NAPB: variants seen among roughly 807,000 people sequenced by gnomAD.
NAPB encodes the protein beta-soluble NSF attachment protein.
A neutral mutation model predicts 44.7 loss-of-function variants in NAPB; 26 were observed. That is an observed-to-expected ratio of 0.58 (90% CI 0.43 to 0.81). The LOEUF (loss-of-function observed/expected upper bound fraction) is 0.81, where lower values mean the gene tolerates loss of function less well. NAPB is among the 30% of genes least tolerant of loss of function. The pLI, the probability that NAPB is intolerant of heterozygous loss-of-function variation, is 0.00. For synonymous variants in NAPB, 120 were observed against 116.8 expected, an observed-to-expected ratio of 1.03 and a Z score of -0.18; for missense variants, 315 against 356.4, an observed-to-expected ratio of 0.88 and a Z score of 0.94.
chr20:23,388,680 A>C (rs2424529), intron 7 of NAPB, among the ~76,000 whole-genome samples: 1 of 151,938 alleles, frequency 6.6e-6, no homozygotes, highest in Non-Finnish European at 1.5e-5. Flanking sequence ...TTCAACAATT[A>C]GTGCTAGAAA....
rs375867980 is a variant in NAPB, at chr20:23,397,035, A to G, written c.295+37T>C. The G allele has an allele frequency of 6.3e-6, 10 of 1,594,842 alleles. No homozygotes were observed. The African/African-American group carries it at 1.3e-4, about 21-fold the overall frequency. ...AGGGAAGTACTGACTGGTTAGTTAC[A>G]CACAGAGATAGCATGCTACATGCCT... On this transcript the variant is annotated intron_variant, in intron 3 of 10. Coordinates refer to ENST00000377026, the MANE Select transcript of NAPB (RefSeq NM_022080.3).
At chr20:23,382,432 T>G (rs1179613529) in intron 7 of NAPB, among the ~76,000 whole-genome samples, 1 of 152,076 alleles carries the variant, frequency 6.6e-6, no homozygotes, top group East Asian at 1.9e-4. Flanking sequence ...CACAGGAAGA[T>G]CTCAAGCTAA....
intron 1 of NAPB, among the ~76,000 whole-genome samples, chr20:23,417,859 G>A (rs1290534842): frequency 1.3e-5 from 2 of 152,038 alleles, no homozygotes; most frequent in Non-Finnish European, 2.9e-5. Context: ...AGATAAGGCA[G>A]AGGATTTGTG....
intron 1 of NAPB, among the ~76,000 whole-genome samples, chr20:23,410,406 A>G (rs1985571203): frequency 6.6e-6 from 1 of 152,248 alleles, no homozygotes; most frequent in South Asian, 2.1e-4. Flanking sequence ...AAGCTACTAC[A>G]TAAGAAAGAA....
chr20:23,395,099 G>C, intron 4 of NAPB, 40 bp downstream of exon 4: 5 of 1,613,784 alleles, frequency 3.1e-6, no homozygotes, highest in Non-Finnish European at 3.4e-6. Flanking sequence ...GCCATCTCAA[G>C]ACTCCACCCC....
At chr20:23,391,389 T>C (rs900943728) in intron 5 of NAPB, among the ~76,000 whole-genome samples, 7 of 152,150 alleles carry the variant, frequency 4.6e-5, no homozygotes, top group African/African-American at 1.7e-4. Flanking sequence ...AGTCAGATGA[T>C]AGTGTGTGCT....
At chr20:23,409,572 T>C (rs1465042803) in intron 1 of NAPB, among the ~76,000 whole-genome samples, 1 of 152,218 alleles carries the variant, frequency 6.6e-6, no homozygotes, top group Non-Finnish European at 1.5e-5. Context: ...GACTGTTACA[T>C]ACAACCTGAT....
intron 1 of NAPB, among the ~76,000 whole-genome samples, chr20:23,403,429 C>A (rs1383642869): frequency 6.6e-6 from 1 of 152,098 alleles, no homozygotes; most frequent in Non-Finnish European, 1.5e-5. Context: ...ATGGTGAAAC[C>A]CCATCCCTAC....
chr20:23,378,407 A>G (rs1429901737), intron 10 of NAPB, among the ~76,000 whole-genome samples: 1 of 149,748 alleles, frequency 6.7e-6, no homozygotes, highest in Non-Finnish European at 1.5e-5. Flanking sequence ...AAAGAAAAAA[A>G]CCCTCATATT....
intron 3 of NAPB, 65 bp from the exon 4 acceptor site, chr20:23,395,250 G>T: frequency 7.1e-6 from 11 of 1,556,430 alleles, no homozygotes; most frequent in Non-Finnish European, 9.7e-6. Context: ...TTCAGGTGAG[G>T]CTGTCTTCCT....
rs564762441 is a variant in NAPB, at chr20:23,412,374, A to T, written c.98+8931T>A. Reference sequence around the variant, plus strand: ...AGTCCTAAGGAATGCAAACACAAGCAGTAAGAAAACAGAGATTGCTACCCT... The same window carrying T: ...AGTCCTAAGGAATGCAAACACAAGCTGTAAGAAAACAGAGATTGCTACCCT... On this transcript the variant is annotated intron_variant, in intron 1 of 10. Transcript: ENST00000377026. 6.6e-5 allele frequency among the ~76,000 whole-genome samples: 10 copies of T among 152,322 alleles called. No homozygotes were observed. In the South Asian group the frequency reaches 2.1e-3, roughly 32 times the overall value.
intron 1 of NAPB, among the ~76,000 whole-genome samples, chr20:23,403,742 T>C (rs1006278106): frequency 6.6e-6 from 1 of 152,098 alleles, no homozygotes; most frequent in Admixed American, 6.5e-5. Flanking sequence ...TCAGTCTGAG[T>C]AGTTAAAAGT....
intron 5 of NAPB, among the ~76,000 whole-genome samples, chr20:23,391,150 A>G (rs998239226): frequency 6.6e-6 from 1 of 152,172 alleles, no homozygotes; most frequent in African/African-American, 2.4e-5. Context: ...TCTCTACTAA[A>G]AAGATACAAA....
chr20:23,375,784 C>G lies in NAPB; in HGVS notation c.*1592G>C, dbSNP rs911079461. On this transcript the variant is annotated 3_prime_UTR_variant, in exon 11 of 11. Transcript: ENST00000377026. ...AGATGCTCTGACATCACAGAGCTTC[C>G]TGCTCTACCAGCCCACCTCATGCAT... is the stretch of plus-strand genomic sequence containing the variant. The G allele has an allele frequency of 2.6e-5, 4 of 152,346 alleles. No individual in the cohort carries two copies. The highest frequency in any genetic ancestry group is 6.5e-5 in the Admixed American group (1 of 15,284). The allele number at this position is 152,346 out of a possible 1,614,324, so 9.4% of individuals were successfully genotyped here. A position where few individuals can be genotyped will look rare whatever the true frequency, so the allele number is the denominator to read the frequency against.
chr20:23,390,314 T>C, intron 5 of NAPB, 50 bp from the exon 6 acceptor site: 1 of 1,468,160 alleles, frequency 6.8e-7, no homozygotes, highest in South Asian at 1.2e-5. Context: ...GAGAGCTGCA[T>C]TTTAAAACTA....
rs1986180285 is a variant in NAPB, at chr20:23,418,797, A to C, written c.98+2508T>G. On this transcript the variant is annotated intron_variant, in intron 1 of 10. Coordinates refer to ENST00000377026, the MANE Select transcript of NAPB (RefSeq NM_022080.3). Reference sequence around the variant, plus strand: ...CTAAAAATACAAAAAAAAAAAAAAAATTAGCCGGGCGTGGTGGCGGGTGGC... The same window carrying C: ...CTAAAAATACAAAAAAAAAAAAAAACTTAGCCGGGCGTGGTGGCGGGTGGC... 2.0e-5 allele frequency among the ~76,000 whole-genome samples: 3 copies of C among 151,134 alleles called. No homozygotes were observed. The South Asian group carries it at 6.3e-4, about 32-fold the overall frequency.
At chr20:23,407,932 A>C (rs139373398) in intron 1 of NAPB, among the ~76,000 whole-genome samples, 2 of 152,348 alleles carry the variant, frequency 1.3e-5, no homozygotes, top group Non-Finnish European at 2.9e-5. Flanking sequence ...AGTCCGTACT[A>C]TTTTAAAACT....
rs200918812 is a variant in NAPB at position 23,385,108 on chromosome 20, G to C, written c.562-3791C>G. Among the ~76,000 whole-genome samples the C allele has an allele frequency of 5.4e-5, 8 of 149,152 alleles. No individual in the cohort carries two copies. The East Asian group carries it at 1.6e-3, about 30-fold the overall frequency. ...CGCTCCAGTGTAGGAGACAGAGCAA[G>C]ACTCTGTCTCAAAACAAACAAACAA... is the stretch of plus-strand genomic sequence containing the variant. On this transcript the variant is annotated intron_variant, in intron 7 of 10. Coordinates refer to ENST00000377026, the MANE Select transcript of NAPB (RefSeq NM_022080.3).
chr20:23,395,228 A>G (rs777640336), intron 3 of NAPB, 43 bp from the exon 4 acceptor site: 7 of 1,606,730 alleles, frequency 4.4e-6, no homozygotes, highest in Admixed American at 3.3e-5. Context: ...AAATCCATTC[A>G]GTCAAAGAGG....
Sources: gnomAD v4.1 joint callset for allele counts (sites outside exome capture counted in the v4.1 genomes callset) on GRCh38, gnomAD v4.1.1 for gene constraint, MANE v1.5 for transcripts, NCBI Gene and HGNC (gene_info 2026-07-23, HGNC 2026-07-21) for gene names.